THAP12: variants seen among roughly 807,000 people sequenced by gnomAD.
THAP12 encodes the protein THAP domain containing 12.
Under a neutral mutation model 63.0 loss-of-function variants are expected in THAP12, and 20 were observed. The observed-to-expected ratio is 0.32, with a 90% confidence interval of 0.22 to 0.46. THAP12 has a LOEUF of 0.46. THAP12 is among the 20% of genes least tolerant of loss of function. The probability of loss-of-function intolerance (pLI) is 1.00; values close to 1 mark genes in which losing one functional copy is unlikely to be tolerated. For missense variants in THAP12, 568 were observed against 908.2 expected, an observed-to-expected ratio of 0.63 and a Z score of 4.81; for synonymous variants, 264 against 328.4, an observed-to-expected ratio of 0.80 and a Z score of 2.12.
At chr11:76,362,048 A>G (rs558283970) in intron 2 of THAP12, among the ~76,000 whole-genome samples, 68 of 152,348 alleles carry the variant, frequency 4.5e-4, no homozygotes, top group African/African-American at 1.6e-3. Context: ...CTTGGCTAGA[A>G]GCTGGATGCA....
Position 76,352,383 on chromosome 11 carries a change from T to A in THAP12, c.767A>T (p.Asp256Val). 1 of 1,611,982 alleles carries A rather than the reference T, an allele frequency of 6.2e-7. No individual in the cohort carries two copies. Among genetic ancestry groups the A allele is most frequent in the African/African-American group, 1.3e-5 (1 of 74,968 alleles). The stretch of plus-strand genomic sequence containing the variant: ...AGTGATAATGGAAAAGAAGTGTGAG[T>A]CTCTCACTTCCCTGAGAGTTTCTTC... ...IREETLREVRDSHFFSIITDD... is the reference protein window; with the variant it reads ...IREETLREVRVSHFFSIITDD... Residue 256 changes from aspartate to valine, a missense_variant, in exon 5 of 5, where the codon GAC (aspartate) becomes GTC (valine). By Grantham distance (152) the Asp-to-Val change is radical. Transcript: ENST00000260045.
At chr11:76,357,985 G>A (rs1261363408) in intron 3 of THAP12, 1 of 152,036 alleles carries the variant, frequency 6.6e-6, no homozygotes. Flanking sequence ...AACAATCACT[G>A]ACAAAACTAC....
chr11:76,351,174 G>C lies in THAP12; in HGVS notation c.1976C>G (p.Pro659Arg). ...GTGGAGGGCTTCATAGATGGTGGAC[G>C]GAAGCTCTATATCTTTCCCCCTGTG... is the stretch of plus-strand genomic sequence containing the variant. Reference protein sequence around the residue: ...WKHRGKDIELPSTIYEALHLP... With the variant: ...WKHRGKDIELRSTIYEALHLP... The change falls in exon 5 of 5, where the codon CCG becomes CGG. Residue 659 changes from proline to arginine, a missense_variant. Transcript: ENST00000260045. 2 of 1,588,520 alleles carry C rather than the reference G, an allele frequency of 1.3e-6. No individual in the cohort carries two copies. Among genetic ancestry groups the C allele is most frequent in the Non-Finnish European group, 1.7e-6 (2 of 1,168,510 alleles).
In THAP12 at chr11:76,364,761, A is replaced by G. The variant is rs556536745; in HGVS notation, c.210+1091T>C. Among the ~76,000 whole-genome samples, 8 of 152,350 alleles carry G rather than the reference A, an allele frequency of 5.3e-5. No individual in the cohort carries two copies. The South Asian group carries it at 1.7e-3, about 32-fold the overall frequency. ...ATATTATTGATGAAAATGTTTTTCCACATTACCTGGATAATTTGTTTACCA... is the reference window on the plus strand; with the variant it reads ...ATATTATTGATGAAAATGTTTTTCCGCATTACCTGGATAATTTGTTTACCA... On this transcript the variant is annotated intron_variant, in intron 2 of 4. Transcript: ENST00000260045.
chr11:76,376,624 G>GTTTTTTTTTTT (rs11300199), intron 1 of THAP12, among the ~76,000 whole-genome samples: 1 of 130,844 alleles, frequency 7.6e-6, no homozygotes, highest in Non-Finnish European at 1.6e-5. Flanking sequence ...TGTTTTTTTT[G>GTTTTTTTTTTT]TTTTTTTTTT....
chr11:76,360,858 T>G, intron 3 of THAP12, 98 bp downstream of exon 3: 1 of 802,240 alleles, frequency 1.2e-6, no homozygotes, highest in Non-Finnish European at 2.0e-6. Context: ...ACCTCTGAAA[T>G]AGAGAGTAAT....
In THAP12 at chr11:76,365,907, T is replaced by C; in HGVS notation, c.155A>G (p.Asn52Ser). The C allele has an allele frequency of 1.9e-6, 3 of 1,613,186 alleles. No individual in the cohort carries two copies. The highest frequency in any genetic ancestry group is 2.5e-6 in the Non-Finnish European group (3 of 1,179,234). The change falls in exon 2 of 5, where the codon AAT (asparagine) becomes AGT (serine). Residue 52 changes from asparagine to serine, a missense_variant. Physicochemically the swap from Asn to Ser is conservative, Grantham distance 46. Coordinates refer to ENST00000260045, the MANE Select transcript of THAP12 (RefSeq NM_004705.4). Reference sequence around the variant, plus strand: ...TTTGGCACATAATCGATAATGTTTATTTAGCTGATCAGGTGTTTTATCTTC... The same window carrying C: ...TTTGGCACATAATCGATAATGTTTACTTAGCTGATCAGGTGTTTTATCTTC... ...DLEDKTPDQL[N>S]KHYRLCAKHF...
intron 1 of THAP12, among the ~76,000 whole-genome samples, chr11:76,367,558 G>C (rs1312682792): frequency 5.3e-5 from 8 of 152,126 alleles, no homozygotes; most frequent in Admixed American, 4.6e-4. Flanking sequence ...AAGGAGCTGA[G>C]ATTATAGGCG....
At chr11:76,364,206 C>A in intron 2 of THAP12, 2 of 174,736 alleles carry the variant, frequency 1.1e-5, no homozygotes, top group Non-Finnish European at 2.5e-5. Context: ...ATGTCAAGAA[C>A]ATAAAAGTAG....
intron 4 of THAP12, 23 bp downstream of exon 4, chr11:76,355,595 G>A: frequency 6.3e-7 from 1 of 1,581,604 alleles, no homozygotes; most frequent in South Asian, 1.2e-5. Context: ...TTCAGAAGTT[G>A]AGTCATTAAC....
chr11:76,357,952 C>A (rs1267116322), intron 3 of THAP12: 1 of 151,918 alleles, frequency 6.6e-6, no homozygotes, highest in Non-Finnish European at 1.5e-5. Flanking sequence ...CAAAGAAAAA[C>A]CAATAAAATA....
Position 76,362,822 on chromosome 11 carries a change from A to G in THAP12, c.211-1759T>C, listed in dbSNP as rs149131438. ...TATTATAGATCAGAAAACAGAATGTATGAATGAAAAAAATGACATTTTACA... is the reference window on the plus strand; with the variant it reads ...TATTATAGATCAGAAAACAGAATGTGTGAATGAAAAAAATGACATTTTACA... On this transcript the variant is annotated intron_variant, in intron 2 of 4. Transcript: ENST00000260045. 7.6e-4 allele frequency among the ~76,000 whole-genome samples: 116 copies of G among 152,264 alleles called. 1 individual carries two copies. Among genetic ancestry groups the G allele is most frequent in the African/African-American group, 2.6e-3 (109 of 41,482 alleles).
chr11:76,357,189 G>A (rs547424897), intron 3 of THAP12: 4 of 152,278 alleles, frequency 2.6e-5, no homozygotes, highest in African/African-American at 9.6e-5. Context: ...AAAGTCACGG[G>A]AGGATGTGTG....
At position 76,352,397 on chromosome 11, in the gene THAP12, G is replaced by T. The variant is rs769828343; in HGVS notation, c.753C>A (p.Leu251=). The T allele has an allele frequency of 6.2e-7, 1 of 1,611,842 alleles. No homozygotes were observed. Among genetic ancestry groups the T allele is most frequent in the African/African-American group, 1.3e-5 (1 of 74,858 alleles). The change falls in exon 5 of 5, where the codon CTC becomes CTA. Residue 251 remains leucine (L), a synonymous_variant. Transcript: ENST00000260045. ...AGAAGTGTGAGTCTCTCACTTCCCT[G>T]AGAGTTTCTTCTCGAATACAGCTCT... ...ICESCIREET[L]REVRDSHFFS...
intron 3 of THAP12, chr11:76,357,865 A>G (rs1946571818): frequency 6.6e-6 from 1 of 152,176 alleles, no homozygotes; most frequent in African/African-American, 2.4e-5. Flanking sequence ...AGAGACTTTT[A>G]TAGCTTTGAA....
intron 4 of THAP12, among the ~76,000 whole-genome samples, chr11:76,354,735 T>G (rs921526816): frequency 5.3e-5 from 8 of 152,186 alleles, no homozygotes; most frequent in African/African-American, 1.9e-4. Context: ...CACCTACTTA[T>G]AAACCCCTCA....
chr11:76,361,285 T>A, intron 2 of THAP12: 1 of 444,198 alleles, frequency 2.3e-6, no homozygotes, highest in East Asian at 3.9e-5. Flanking sequence ...GAATTGAAGG[T>A]AGGCATAAAA....
chr11:76,372,589 TAAAA>T (rs57050881), intron 1 of THAP12, among the ~76,000 whole-genome samples: 1 of 116,722 alleles, frequency 8.6e-6, no homozygotes, highest in Non-Finnish European at 1.8e-5. Context: ...CTGTTACATT[TAAAA>T]AAAAAAAAAA....
chr11:76,350,475 C>A lies in THAP12; in HGVS notation c.*389G>T, dbSNP rs78160409. The A allele has an allele frequency of 6.4e-6, 1 of 155,924 alleles. No homozygotes were observed. The highest frequency in any genetic ancestry group is 2.1e-4 in the South Asian group (1 of 4,868). The allele number at this position is 155,924 out of a possible 1,614,324, so 9.7% of individuals were successfully genotyped here. On this transcript the variant is annotated 3_prime_UTR_variant, in exon 5 of 5. Transcript: ENST00000260045. ...AGTCAAAGGTCAATTGTGGGCTTCA[C>A]TACAACATTTTATAAAATGTATTCC...
Sources: gnomAD v4.1 joint callset for allele counts (sites outside exome capture counted in the v4.1 genomes callset) on GRCh38, gnomAD v4.1.1 for gene constraint, MANE v1.5 for transcripts, NCBI Gene and HGNC (gene_info 2026-07-23, HGNC 2026-07-21) for gene names.